Variants in TBC1D14 observed in about 807,000 individuals in gnomAD.
TBC1D14 encodes TBC1 domain family, member 14.
In TBC1D14, 26 loss-of-function variants were observed where a neutral mutation model predicts 79.0. The observed-to-expected ratio is 0.33, with a 90% confidence interval of 0.24 to 0.46. TBC1D14 has a LOEUF of 0.46. Among genes scored for constraint, TBC1D14 ranks in the 20% least tolerant of loss-of-function variants. TBC1D14 has a pLI of 1.00. For missense variants in TBC1D14, 769 were observed against 887.6 expected, an observed-to-expected ratio of 0.87 and a Z score of 1.70; for synonymous variants, 394 against 349.9, an observed-to-expected ratio of 1.13 and a Z score of -1.40.
intron 3 of TBC1D14, among the ~76,000 whole-genome samples, chr4:6,991,434 T>C (rs1174382562): frequency 6.6e-6 from 1 of 152,220 alleles, no homozygotes; most frequent in African/African-American, 2.4e-5. Context: ...CGTGTGTGTT[T>C]GGTGCACAGG....
At chr4:6,917,672 C>A (rs566641037) in intron 1 of TBC1D14, among the ~76,000 whole-genome samples, 20 of 152,162 alleles carry the variant, frequency 1.3e-4, no homozygotes, top group African/African-American at 4.6e-4. Flanking sequence ...CCCTGTGTGT[C>A]GGCTTGGGGA....
intron 3 of TBC1D14, among the ~76,000 whole-genome samples, chr4:6,968,441 G>A (rs1007561686): frequency 2.0e-5 from 3 of 152,182 alleles, no homozygotes; most frequent in Non-Finnish European, 4.4e-5. Flanking sequence ...TTTAAAACTC[G>A]CAACAACCTT....
rs1577166715 is a variant in TBC1D14, at chr4:7,010,743, C to T, written c.1609C>T (p.Pro537Ser). 6.2e-7 allele frequency: 1 copy of T among 1,614,018 alleles called. No individual in the cohort carries two copies. The highest frequency in any genetic ancestry group is 8.5e-7 in the Non-Finnish European group (1 of 1,179,964). The change falls in exon 11 of 14, where the codon CCC becomes TCC. Residue 537 changes from proline to serine, a missense_variant. Physicochemically the swap from Pro to Ser is moderately conservative, Grantham distance 74. Transcript: ENST00000409757. ...TGCCTTTTCTAACCTTCTGAATAAA[C>T]CCTGTCAAATGGCGTTTTTTAGAGT... Reference protein sequence around the residue: ...FIAFSNLLNKPCQMAFFRVDH... With the variant: ...FIAFSNLLNKSCQMAFFRVDH...
At chr4:6,947,799 G>T (rs890765462) in intron 2 of TBC1D14, among the ~76,000 whole-genome samples, 1 of 152,122 alleles carries the variant, frequency 6.6e-6, no homozygotes, top group Non-Finnish European at 1.5e-5. Context: ...ACTAGATCTT[G>T]CTTTGGACTC....
intron 3 of TBC1D14, chr4:6,987,207 C>A (rs1031650216): frequency 5.3e-5 from 65 of 1,231,114 alleles, no homozygotes; most frequent in Non-Finnish European, 4.1e-6. Context: ...GAGCGGCCTG[C>A]CGCCCCGCCC....
chr4:6,945,749 C>CAAAAAAAAAAAAAAAAAAAAAAAAAA (rs71173472), intron 2 of TBC1D14, among the ~76,000 whole-genome samples: 1 of 64,134 alleles, frequency 1.6e-5, no homozygotes. Flanking sequence ...AACTGCGTCT[C>CAAAAAAAAAAAAAAAAAAAAAAAAAA]AAAAAAAAAA....
intron 2 of TBC1D14, among the ~76,000 whole-genome samples, chr4:6,941,977 G>A (rs1712953504): frequency 6.6e-6 from 1 of 152,148 alleles, no homozygotes; most frequent in African/African-American, 2.4e-5. Flanking sequence ...GGGACCACAG[G>A]AATACACGGG....
chr4:7,003,257 C>A (rs949956910), intron 7 of TBC1D14, among the ~76,000 whole-genome samples: 1 of 152,196 alleles, frequency 6.6e-6, no homozygotes, highest in Non-Finnish European at 1.5e-5. Context: ...ACCCATTAAA[C>A]CCCGAGGCTG....
chr4:6,987,891 G>A (rs1718042730), intron 3 of TBC1D14, among the ~76,000 whole-genome samples: 1 of 152,202 alleles, frequency 6.6e-6, no homozygotes, highest in South Asian at 2.1e-4. Context: ...GGAGGAATAT[G>A]ACTATTAGAA....
intron 12 of TBC1D14, among the ~76,000 whole-genome samples, chr4:7,020,619 A>G (rs928339740): frequency 1.3e-5 from 2 of 152,196 alleles, no homozygotes; most frequent in Non-Finnish European, 2.9e-5. Context: ...GGGTGAGACT[A>G]CCTGCTGACT....
At chr4:6,934,706 A>T (rs2108956951) in intron 2 of TBC1D14, among the ~76,000 whole-genome samples, 1 of 152,214 alleles carries the variant, frequency 6.6e-6, no homozygotes. Context: ...TTTAGCAATG[A>T]GGAGGCCATC....
Position 6,970,074 on chromosome 4 carries a change from G to A in TBC1D14, c.843+2650G>A, listed in dbSNP as rs1369206875. Among the ~76,000 whole-genome samples, 5 of 152,334 alleles carry A rather than the reference G, an allele frequency of 3.3e-5. No individual in the cohort carries two copies. In the East Asian group the frequency reaches 7.7e-4, roughly 24 times the overall value. ...CTCACACAGCCTGCACTTGAGAGAG[G>A]CAGGCGCTGGGGCCATGACAGCCTA... On this transcript the variant is annotated intron_variant, in intron 3 of 13. Transcript: ENST00000409757.
In TBC1D14 at chr4:6,923,738, A is replaced by G. The variant is rs1724049254; in HGVS notation, c.349A>G (p.Ser117Gly). 6.2e-7 allele frequency: 1 copy of G among 1,613,992 alleles called. No individual in the cohort carries two copies. Among genetic ancestry groups the G allele is most frequent in the African/African-American group, 1.3e-5 (1 of 75,066 alleles). The part of the protein sequence containing the change: ...LPSCAPPAPS[S>G]TEREQSVRKS... Reference sequence around the variant, plus strand: ...ATCCTGTGCGCCACCAGCTCCTAGCAGCACCGAGCGGGAACAGAGCGTGCG... The same window carrying G: ...ATCCTGTGCGCCACCAGCTCCTAGCGGCACCGAGCGGGAACAGAGCGTGCG... The change falls in exon 2 of 14, where the codon AGC becomes GGC. Residue 117 changes from serine (S) to glycine (G), a missense_variant. Transcript: ENST00000409757.
rs1457371433 is a variant in TBC1D14 at position 7,032,955 on chromosome 4, A to T, written c.*2563A>T. The T allele has an allele frequency of 6.6e-6, 1 of 152,570 alleles. No individual in the cohort carries two copies. The highest frequency in any genetic ancestry group is 2.4e-5 in the African/African-American group (1 of 41,428). The allele number at this position is 152,570 out of a possible 1,614,324, so 9.5% of individuals were successfully genotyped here. On this transcript the variant is annotated 3_prime_UTR_variant, in exon 14 of 14. Transcript: ENST00000409757. ...AACTGCTCAGTTTTTGACTATTTTA[A>T]ATAGTTTGCTGAAAACTCCTGATAA...
At chr4:6,920,397 C>T (rs763171553) in intron 1 of TBC1D14, among the ~76,000 whole-genome samples, 1 of 151,990 alleles carries the variant, frequency 6.6e-6, no homozygotes, top group Non-Finnish European at 1.5e-5. Context: ...GCCCCAGCCT[C>T]TTGAGTAACT....
chr4:6,925,157 G>A (rs1724188150), intron 2 of TBC1D14, among the ~76,000 whole-genome samples: 2 of 152,162 alleles, frequency 1.3e-5, no homozygotes, highest in African/African-American at 2.4e-5. Flanking sequence ...GCCAGGTATG[G>A]TGGTGCACGC....
chr4:6,930,114 C>T (rs919311486), intron 2 of TBC1D14, among the ~76,000 whole-genome samples: 1 of 152,186 alleles, frequency 6.6e-6, no homozygotes, highest in Non-Finnish European at 1.5e-5. Context: ...GGTGTTGGAA[C>T]TGTGATGCTC....
chr4:6,988,034 T>C (rs1244604084), intron 3 of TBC1D14, among the ~76,000 whole-genome samples: 50 of 152,338 alleles, frequency 3.3e-4, no homozygotes. Context: ...TGGCTTTACT[T>C]ACTGTGAGGT....
intron 10 of TBC1D14, 23 bp downstream of exon 10, chr4:7,009,971 T>G: frequency 6.2e-7 from 1 of 1,613,204 alleles, no homozygotes; most frequent in African/African-American, 1.3e-5. Flanking sequence ...TCTCAGTATT[T>G]TATAATGTTG....
Sources: gnomAD v4.1 joint callset for allele counts (sites outside exome capture counted in the v4.1 genomes callset) on GRCh38, gnomAD v4.1.1 for gene constraint, MANE v1.5 for transcripts, NCBI Gene and HGNC (gene_info 2026-07-23, HGNC 2026-07-21) for gene names.